TMEM132C: variants seen among roughly 807,000 people sequenced by gnomAD.
TMEM132C encodes protein phosphatase 1, regulatory subunit 152.
TMEM132C carries 29 observed loss-of-function variants against 61.4 expected under a neutral mutation model. The ratio of observed to expected loss-of-function variants is 0.47; its 90% CI spans 0.35 to 0.64. The LOEUF (loss-of-function observed/expected upper bound fraction) is 0.64, where lower values mean the gene tolerates loss of function less well. TMEM132C is among the 30% of genes least tolerant of loss of function. The pLI is 0.00. For synonymous variants in TMEM132C, 656 were observed against 633.1 expected (o/e 1.04, Z -0.54); for missense variants, 1,408 against 1,476.9 (o/e 0.95, Z 0.76).
At chr12:128,418,002 G>A (rs1429160054) in intron 2 of TMEM132C, among the ~76,000 whole-genome samples, 4 of 152,110 alleles carry the variant, frequency 2.6e-5, no homozygotes, top group African/African-American at 9.7e-5. Flanking sequence ...GTGCCGTGGA[G>A]CGCAGCAGCC....
chr12:128,523,506 C>G (rs1168075469), intron 2 of TMEM132C, among the ~76,000 whole-genome samples: 1 of 152,134 alleles, frequency 6.6e-6, no homozygotes, highest in East Asian at 1.9e-4. Flanking sequence ...GAACTAGATT[C>G]AAGCAGAGCT....
intron 1 of TMEM132C, among the ~76,000 whole-genome samples, chr12:128,275,923 G>C (rs1473538754): frequency 6.6e-6 from 1 of 152,124 alleles, no homozygotes; most frequent in Non-Finnish European, 1.5e-5. Context: ...GCCTTTTCCA[G>C]CTTCTCTTGG....
chr12:128,463,038 T>C (rs1870595481), intron 2 of TMEM132C, among the ~76,000 whole-genome samples: 1 of 152,084 alleles, frequency 6.6e-6, no homozygotes, highest in Admixed American at 6.5e-5. Flanking sequence ...TGCTACAGAC[T>C]CCAAGCTGAC....
intron 1 of TMEM132C, among the ~76,000 whole-genome samples, chr12:128,328,786 T>TAAAAA: frequency 1.1e-5 from 1 of 94,234 alleles, no homozygotes; most frequent in Admixed American, 1.2e-4. Context: ...GATTCTGTCT[T>TAAAAA]AAAAAAAAAA....
chr12:128,492,341 T>G (rs1220039565), intron 2 of TMEM132C, among the ~76,000 whole-genome samples: 1 of 152,204 alleles, frequency 6.6e-6, no homozygotes, highest in African/African-American at 2.4e-5. Flanking sequence ...AGCAGCATGA[T>G]TTATAATCCT....
At chr12:128,636,975 G>C (rs1488718695) in intron 4 of TMEM132C, among the ~76,000 whole-genome samples, 1 of 152,074 alleles carries the variant, frequency 6.6e-6, no homozygotes, top group Non-Finnish European at 1.5e-5. Context: ...TCTACTGTGT[G>C]TATCTACCAT....
chr12:128,557,498 G>T (rs947730337), intron 3 of TMEM132C, among the ~76,000 whole-genome samples: 2 of 152,126 alleles, frequency 1.3e-5, no homozygotes, highest in African/African-American at 4.8e-5. Context: ...CTAATGTCTC[G>T]CCTTAGAGAC....
At chr12:128,690,258 T>C (rs1450628668) in intron 5 of TMEM132C, among the ~76,000 whole-genome samples, 1 of 152,124 alleles carries the variant, frequency 6.6e-6, no homozygotes, top group African/African-American at 2.4e-5. Context: ...TCATCCACAA[T>C]GAAAGATGAA....
In TMEM132C at chr12:128,379,024, G is replaced by A. The variant is rs139855187; in HGVS notation, c.86-35708G>A. On this transcript the variant is annotated intron_variant, in intron 1 of 8. Coordinates refer to ENST00000435159, the MANE Select transcript of TMEM132C (RefSeq NM_001136103.3). ...CGGCCATGATTGTGAGGCCTCCTCA[G>A]CCATATGGAACTGTGAGTCCATTCA... 3.1e-3 allele frequency among the ~76,000 whole-genome samples: 465 copies of A among 152,294 alleles called. 2 individuals are homozygous for A. Among genetic ancestry groups the A allele is most frequent in the African/African-American group, 0.011 (450 of 41,564 alleles).
intron 1 of TMEM132C, among the ~76,000 whole-genome samples, chr12:128,302,186 G>A (rs1206925140): frequency 6.6e-6 from 1 of 152,216 alleles, no homozygotes; most frequent in Non-Finnish European, 1.5e-5. Flanking sequence ...CATTGGTGAA[G>A]TGCTGGGATC....
intron 3 of TMEM132C, among the ~76,000 whole-genome samples, chr12:128,604,974 AGATG>A (rs1876366825): frequency 9.4e-6 from 1 of 106,518 alleles, no homozygotes; most frequent in Admixed American, 1.0e-4. Context: ...ATAGATGGGT[AGATG>A]GATGGACGGA....
At chr12:128,680,568 A>C (rs144354150) in intron 5 of TMEM132C, among the ~76,000 whole-genome samples, 3,471 of 152,348 alleles carry the variant, frequency 0.023, 57 homozygotes, top group Non-Finnish European at 0.034. Flanking sequence ...CTCATTAGTC[A>C]CATGTGGCTA....
intron 1 of TMEM132C, among the ~76,000 whole-genome samples, chr12:128,279,993 C>T (rs1004750848): frequency 6.6e-6 from 1 of 152,154 alleles, no homozygotes; most frequent in South Asian, 2.1e-4. Flanking sequence ...AATGAACGGA[C>T]AAGTGAATAA....
chr12:128,285,620 C>T (rs1044164418), intron 1 of TMEM132C, among the ~76,000 whole-genome samples: 3 of 151,104 alleles, frequency 2.0e-5, no homozygotes, highest in East Asian at 2.0e-4. Context: ...TTGAATAGGG[C>T]GTCAAGGACA....
At chr12:128,526,381 G>A (rs893036947) in intron 2 of TMEM132C, among the ~76,000 whole-genome samples, 1 of 152,176 alleles carries the variant, frequency 6.6e-6, no homozygotes, top group African/African-American at 2.4e-5. Flanking sequence ...GTCTTCACGA[G>A]GTGGAGTGGA....
chr12:128,384,982 C>T (rs1256021035), intron 1 of TMEM132C, among the ~76,000 whole-genome samples: 1 of 152,218 alleles, frequency 6.6e-6, no homozygotes, highest in Admixed American at 6.5e-5. Flanking sequence ...CTGTCAAAGT[C>T]CAGCCTCCTG....
Position 128,681,817 on chromosome 12 carries a change from A to ATTTT in TMEM132C, c.1450-11991_1450-11988dup, listed in dbSNP as rs35154554. On this transcript the variant is annotated intron_variant, in intron 5 of 8. Coordinates refer to ENST00000435159, the MANE Select transcript of TMEM132C (RefSeq NM_001136103.3). ...TACAGGTGAGCGCTACCACGCCTGG[A>ATTTT]TTTTTTTTTTTTTTTTTTTTTTTTG... 1.2e-3 allele frequency among the ~76,000 whole-genome samples: 108 copies of ATTTT among 86,436 alleles called. 1 individual carries two copies. The highest frequency in any genetic ancestry group is 4.0e-3 in the African/African-American group (82 of 20,710). 56.7% of individuals were successfully genotyped at this position (86,436 alleles called of 152,430 possible).
intron 4 of TMEM132C, among the ~76,000 whole-genome samples, chr12:128,627,422 A>G (rs758469791): frequency 7.2e-5 from 11 of 151,952 alleles, no homozygotes; most frequent in Non-Finnish European, 1.5e-4. Flanking sequence ...ATTTGTGTAT[A>G]TATTTATCCC....
chr12:128,344,924 T>TC (rs1873100368), intron 1 of TMEM132C, among the ~76,000 whole-genome samples: 1 of 145,416 alleles, frequency 6.9e-6, no homozygotes, highest in Non-Finnish European at 1.5e-5. Flanking sequence ...AAGATGAGTT[T>TC]CTTTTTTTTT....
Sources: allele counts gnomAD v4.1 joint callset (sites outside exome capture counted in the v4.1 genomes callset), GRCh38; gene constraint gnomAD v4.1.1; transcripts MANE v1.5; gene names NCBI Gene and HGNC (gene_info 2026-07-23, HGNC 2026-07-21).